Variants in KCNK2 observed in about 807,000 individuals in gnomAD.
The protein encoded by KCNK2 is potassium channel subfamily K member 2.
KCNK2 carries 21 observed loss-of-function variants against 40.5 expected under a neutral mutation model. That is an observed-to-expected ratio of 0.52 (90% CI 0.37 to 0.75). KCNK2 has a LOEUF of 0.75. Among genes scored for constraint, KCNK2 ranks in the 30% least tolerant of loss-of-function variants. KCNK2 has a pLI of 0.00. For missense variants in KCNK2, 399 were observed against 531.6 expected (o/e 0.75, Z 2.45); for synonymous variants, 191 against 202.2 (o/e 0.94, Z 0.47).
chr1:215,219,702 A>G (rs1571745089), intron 6 of KCNK2, among the ~76,000 whole-genome samples: 1 of 152,218 alleles, frequency 6.6e-6, no homozygotes, highest in African/African-American at 2.4e-5. Flanking sequence ...TTGAGATTTT[A>G]TGTTTATCCC....
chr1:215,005,795 A>G (rs1173929927), upstream of KCNK2: 5 of 803,308 alleles, frequency 6.2e-6, no homozygotes, highest in Non-Finnish European at 1.1e-5. Flanking sequence ...CACAAAAAGG[A>G]AACAGTATGG....
At chr1:215,130,853 TTTTATTTA>T (rs151327528) in intron 3 of KCNK2, among the ~76,000 whole-genome samples, 1 of 151,492 alleles carries the variant, frequency 6.6e-6, no homozygotes, top group Admixed American at 6.6e-5. Context: ...TTTTTTTTAT[TTTTATTTA>T]TTTATTTATT....
rs1238904796 is a variant in KCNK2, at chr1:215,007,159, A to G, written c.34+1204A>G. 3.0e-4 allele frequency among the ~76,000 whole-genome samples: 35 copies of G among 116,034 alleles called. 3 individuals are homozygous for G. The East Asian group carries it at 7.9e-3, about 26-fold the overall frequency. The allele number at this position is 116,034 out of a possible 152,430, so 76.1% of individuals were successfully genotyped here. ...TATATATATGTGTATATATATATGTATGTATATATATATGTATGTGTGTGG... is the reference window on the plus strand; with the variant it reads ...TATATATATGTGTATATATATATGTGTGTATATATATATGTATGTGTGTGG... On this transcript the variant is annotated intron_variant, in intron 1 of 6. Transcript: ENST00000391895.
At chr1:215,081,879 C>G (rs772891095), upstream of KCNK2, 1 of 152,314 alleles carries the variant, frequency 6.6e-6, no homozygotes, top group African/African-American at 2.4e-5. Flanking sequence ...CCGTTCCGTC[C>G]CCCTGTCGCT....
At chr1:215,161,929 T>G (rs1367100115) in intron 3 of KCNK2, among the ~76,000 whole-genome samples, 1 of 152,184 alleles carries the variant, frequency 6.6e-6, no homozygotes, top group Admixed American at 6.6e-5. Flanking sequence ...TATAATCCTT[T>G]GGGCATATAA....
intron 5 of KCNK2, among the ~76,000 whole-genome samples, chr1:215,178,286 G>C (rs951353900): frequency 3.3e-5 from 5 of 152,052 alleles, no homozygotes; most frequent in African/African-American, 1.2e-4. Flanking sequence ...TCTAAGTATA[G>C]AGTCATATTG....
At chr1:215,012,646 GTTT>G (rs34028242) in intron 1 of KCNK2, among the ~76,000 whole-genome samples, 3,171 of 121,726 alleles carry the variant, frequency 0.026, 108 homozygotes, top group African/African-American at 0.083. Flanking sequence ...TAATTTTTTA[GTTT>G]TTTTTTTTTT....
chr1:215,022,099 A>G (rs1272874764), intron 1 of KCNK2, among the ~76,000 whole-genome samples: 12 of 17,688 alleles, frequency 6.8e-4, no homozygotes, highest in Non-Finnish European at 1.8e-3. Context: ...GCCACAATAA[A>G]TCCCCTCCTA....
intron 6 of KCNK2, among the ~76,000 whole-genome samples, chr1:215,227,339 A>G (rs1278417332): frequency 1.3e-5 from 2 of 152,218 alleles, no homozygotes; most frequent in Non-Finnish European, 2.9e-5. Flanking sequence ...CCAGTTTAAC[A>G]TGAGTAGGAA....
At chr1:215,209,463 T>TATATAATATATATTATATATA (rs1558140242) in intron 6 of KCNK2, among the ~76,000 whole-genome samples, 6 of 5,252 alleles carry the variant, frequency 1.1e-3, no homozygotes, top group Non-Finnish European at 1.8e-3. Context: ...TTATATATTA[T>TATATAATATATATTATATATA]ATATAATATA....
intron 1 of KCNK2, among the ~76,000 whole-genome samples, chr1:215,066,593 G>A (rs951310353): frequency 4.6e-5 from 7 of 152,158 alleles, no homozygotes; most frequent in African/African-American, 1.4e-4. Flanking sequence ...CAGCCTGCCT[G>A]GTAATTCAAG....
At chr1:215,147,433 T>C (rs931799111) in intron 3 of KCNK2, among the ~76,000 whole-genome samples, 1 of 152,206 alleles carries the variant, frequency 6.6e-6, no homozygotes, top group East Asian at 1.9e-4. Context: ...CACAAAGATA[T>C]TGTCTTGTAA....
At chr1:215,060,484 T>TCCC (rs777017731) in intron 1 of KCNK2, among the ~76,000 whole-genome samples, 1 of 152,160 alleles carries the variant, frequency 6.6e-6, no homozygotes, top group Non-Finnish European at 1.5e-5. Flanking sequence ...AAGGACTGAG[T>TCCC]AACACCTAGA....
intron 3 of KCNK2, among the ~76,000 whole-genome samples, chr1:215,162,551 T>C (rs775813912): frequency 3.4e-4 from 51 of 152,230 alleles, no homozygotes; most frequent in Non-Finnish European, 1.9e-4. Flanking sequence ...TTTATGGTTT[T>C]TGGTCTTACG....
chr1:215,027,062 A>G (rs190525574), intron 1 of KCNK2, among the ~76,000 whole-genome samples: 1 of 152,072 alleles, frequency 6.6e-6, no homozygotes, highest in East Asian at 1.9e-4. Flanking sequence ...TGTTACTAGG[A>G]AGGAAAAATT....
At chr1:215,093,743 AAAATATATTATATAT>A (rs1659819582) in intron 2 of KCNK2, among the ~76,000 whole-genome samples, 1 of 58,938 alleles carries the variant, frequency 1.7e-5, no homozygotes, top group Non-Finnish European at 2.6e-5. Context: ...ATATAATATA[AAAATATATTATATAT>A]TATATAATAT....
chr1:215,204,595 A>G (rs974477557), intron 6 of KCNK2, among the ~76,000 whole-genome samples: 6 of 152,168 alleles, frequency 3.9e-5, no homozygotes, highest in Middle Eastern at 3.2e-3. Context: ...CTTAGCTTTC[A>G]AAATTGTTTT....
intron 1 of KCNK2, among the ~76,000 whole-genome samples, chr1:215,023,848 A>C (rs1392578667): frequency 6.6e-6 from 1 of 152,142 alleles, no homozygotes; most frequent in Non-Finnish European, 1.5e-5. Flanking sequence ...GTCCAACCTA[A>C]ATCCTACATT....
chr1:215,099,179 C>T (rs1049458517), intron 2 of KCNK2, among the ~76,000 whole-genome samples: 5 of 152,026 alleles, frequency 3.3e-5, no homozygotes, highest in African/African-American at 2.4e-5. Flanking sequence ...CTTCCATCCT[C>T]TGATCGGCCC....
Sources: gnomAD v4.1 joint callset for allele counts (sites outside exome capture counted in the v4.1 genomes callset) on GRCh38, gnomAD v4.1.1 for gene constraint, MANE v1.5 for transcripts, NCBI Gene and HGNC (gene_info 2026-07-23, HGNC 2026-07-21) for gene names.